CDH18: variants seen among roughly 807,000 people sequenced by gnomAD.
CDH18 encodes the protein cadherin-18.
Under a neutral mutation model 67.9 loss-of-function variants are expected in CDH18, and 31 were observed. That is an observed-to-expected ratio of 0.46 (90% CI 0.34 to 0.62). The LOEUF (loss-of-function observed/expected upper bound fraction) is 0.62, where lower values mean the gene tolerates loss of function less well. Ranked by LOEUF, CDH18 falls within the 20% of genes least tolerant of loss-of-function variation. The pLI is 0.01. For missense variants in CDH18, 890 were observed against 975.5 expected (o/e 0.91, Z 1.17); for synonymous variants, 362 against 347.2 (o/e 1.04, Z -0.48).
rs1401568027 is a variant in CDH18 at position 20,134,585 on chromosome 5, C to A, written c.-518+120859G>T. Among the ~76,000 whole-genome samples, 10 of 152,220 alleles carry A rather than the reference C, an allele frequency of 6.6e-5. No homozygotes were observed. The East Asian group carries it at 1.7e-3, about 26-fold the overall frequency. On this transcript the variant is annotated intron_variant, in intron 2 of 14. Transcript: ENST00000507958. ...GACCAGAGTCTCCACCTGGTCCCTT[C>A]CGTGACATGTGATGACATGTGGGGA...
chr5:20,006,309 A>C (rs1475080803), intron 2 of CDH18, among the ~76,000 whole-genome samples: 1 of 151,938 alleles, frequency 6.6e-6, no homozygotes, highest in Non-Finnish European at 1.5e-5. Flanking sequence ...TAGGGAGTTA[A>C]TAGATAAATA....
intron 5 of CDH18, among the ~76,000 whole-genome samples, chr5:19,675,624 T>A (rs923074368): frequency 1.3e-5 from 2 of 152,102 alleles, no homozygotes; most frequent in African/African-American, 4.8e-5. Flanking sequence ...ACATCACTCT[T>A]ATCCTGTTCT....
At chr5:19,585,745 C>T (rs975774959) in intron 7 of CDH18, among the ~76,000 whole-genome samples, 2 of 152,238 alleles carry the variant, frequency 1.3e-5, no homozygotes, top group Admixed American at 6.5e-5. Context: ...TAATCTTTCT[C>T]CACCACGTAG....
At chr5:19,565,930 A>G (rs1298692904) in intron 8 of CDH18, among the ~76,000 whole-genome samples, 2 of 152,212 alleles carry the variant, frequency 1.3e-5, no homozygotes, top group African/African-American at 4.8e-5. Flanking sequence ...ATGGAAAGCG[A>G]CAACCCACAA....
At chr5:19,816,062 G>A (rs890188745) in intron 3 of CDH18, among the ~76,000 whole-genome samples, 2 of 151,790 alleles carry the variant, frequency 1.3e-5, no homozygotes, top group African/African-American at 4.8e-5. Context: ...TCATTCTTTT[G>A]TTTATTCAGA....
intron 2 of CDH18, among the ~76,000 whole-genome samples, chr5:20,194,797 C>T (rs1217568167): frequency 6.6e-6 from 1 of 151,904 alleles, no homozygotes; most frequent in African/African-American, 2.4e-5. Flanking sequence ...TTCTTCCTCC[C>T]TCGTTACCCT....
chr5:19,508,924 G>A (rs1419639379), intron 10 of CDH18, among the ~76,000 whole-genome samples: 1 of 150,326 alleles, frequency 6.7e-6, no homozygotes, highest in Non-Finnish European at 1.5e-5. Flanking sequence ...GAGTGCCAGA[G>A]GCACGATCTC....
chr5:19,677,585 G>T (rs749767647), intron 5 of CDH18, among the ~76,000 whole-genome samples: 1 of 151,780 alleles, frequency 6.6e-6, no homozygotes, highest in African/African-American at 2.4e-5. Context: ...AGATAAACAG[G>T]GTAAATGCCC....
Position 20,009,052 on chromosome 5 carries a change from C to T in CDH18, c.-517-17038G>A, listed in dbSNP as rs183108921. On this transcript the variant is annotated intron_variant, in intron 2 of 14. Transcript: ENST00000507958. ...TGATTTTATACATCTGTATTGTGAG[C>T]TTGGTTAATGGCAGTTCGGTCTAAA... Among the ~76,000 whole-genome samples the T allele has an allele frequency of 3.9e-5, 6 of 152,106 alleles. No individual in the cohort carries two copies. The East Asian group carries it at 1.2e-3, about 29-fold the overall frequency.
chr5:19,547,284 T>C (rs1045726016), intron 8 of CDH18, among the ~76,000 whole-genome samples: 1 of 152,192 alleles, frequency 6.6e-6, no homozygotes, highest in Non-Finnish European at 1.5e-5. Context: ...TGTTAACCTG[T>C]CTTTAAGAAA....
intron 1 of CDH18, among the ~76,000 whole-genome samples, chr5:20,365,729 T>C (rs1049834830): frequency 2.0e-5 from 3 of 152,216 alleles, no homozygotes; most frequent in Non-Finnish European, 4.4e-5. Context: ...CTATAAATCA[T>C]GTAAGGATCT....
intron 1 of CDH18, among the ~76,000 whole-genome samples, chr5:20,376,084 A>T (rs922945316): frequency 1.9e-4 from 13 of 67,932 alleles, no homozygotes; most frequent in African/African-American, 5.7e-4. Flanking sequence ...CAATTTAAAA[A>T]GAAACAATTT....
intron 2 of CDH18, among the ~76,000 whole-genome samples, chr5:20,019,621 A>T (rs1738219743): frequency 6.6e-6 from 1 of 152,128 alleles, no homozygotes; most frequent in South Asian, 2.1e-4. Flanking sequence ...TTCTGCCATG[A>T]TTGTACATTT....
intron 3 of CDH18, among the ~76,000 whole-genome samples, chr5:19,808,662 C>A (rs751873308): frequency 5.4e-5 from 8 of 147,788 alleles, no homozygotes; most frequent in Non-Finnish European, 1.0e-4. Flanking sequence ...CCTGTCTCTA[C>A]TAAAAAAAAA....
At chr5:20,384,932 G>C (rs1040805421) in intron 1 of CDH18, among the ~76,000 whole-genome samples, 1 of 152,116 alleles carries the variant, frequency 6.6e-6, no homozygotes, top group African/African-American at 2.4e-5. Context: ...CGCCTCCCGG[G>C]TTCTAGTGAT....
At chr5:20,095,512 TGGAAGGAA>T (rs138996095) in intron 2 of CDH18, among the ~76,000 whole-genome samples, 3 of 63,598 alleles carry the variant, frequency 4.7e-5, no homozygotes, top group South Asian at 4.9e-4. Context: ...GGAGGGAGGA[TGGAAGGAA>T]GGAAGGAAGG....
intron 5 of CDH18, among the ~76,000 whole-genome samples, chr5:19,679,779 A>C (rs1169328847): frequency 6.6e-6 from 1 of 152,024 alleles, no homozygotes; most frequent in Non-Finnish European, 1.5e-5. Context: ...ATACTGCTGA[A>C]AGAAATCAGA....
chr5:20,072,484 C>G (rs978885559), intron 2 of CDH18, among the ~76,000 whole-genome samples: 1 of 151,950 alleles, frequency 6.6e-6, no homozygotes, highest in Admixed American at 6.6e-5. Flanking sequence ...GTAGTAACAA[C>G]TGAAATGGAC....
At chr5:20,457,682 C>T (rs149751950) in intron 1 of CDH18, among the ~76,000 whole-genome samples, 2 of 152,214 alleles carry the variant, frequency 1.3e-5, no homozygotes, top group Middle Eastern at 3.4e-3. Context: ...TTTGGAAGGT[C>T]TCCCAGTCTA....
Sources: allele counts gnomAD v4.1 joint callset (sites outside exome capture counted in the v4.1 genomes callset), GRCh38; gene constraint gnomAD v4.1.1; transcripts MANE v1.5; gene names NCBI Gene and HGNC (gene_info 2026-07-23, HGNC 2026-07-21).